Variants in ROBO2 observed in about 807,000 individuals in gnomAD.
The protein encoded by ROBO2 is roundabout homolog 2.
A neutral mutation model predicts 160.8 loss-of-function variants in ROBO2; 53 were observed. That is an observed-to-expected ratio of 0.33 (90% CI 0.26 to 0.41). The LOEUF (loss-of-function observed/expected upper bound fraction) is 0.41. ROBO2 is among the 10% of genes least tolerant of loss of function. The pLI, the probability that ROBO2 is intolerant of heterozygous loss-of-function variation, is 1.00. For synonymous variants in ROBO2, 664 were observed against 611.7 expected (o/e 1.09, Z -1.26); for missense variants, 1,577 against 1,722.4 (o/e 0.92, Z 1.49).
At chr3:77,003,449 A>G (rs969682870) in intron 2 of ROBO2, among the ~76,000 whole-genome samples, 3 of 152,324 alleles carry the variant, frequency 2.0e-5, no homozygotes, top group East Asian at 3.9e-4. Context: ...CACAAGAACA[A>G]TTATAATCAC....
rs1553852857 is a variant in ROBO2, at chr3:76,650,481, C to CTCT, written c.110-447532_110-447531insCTT. 9.8e-3 allele frequency among the ~76,000 whole-genome samples: 1,439 copies of CTCT among 146,788 alleles called. 12 individuals are homozygous for CTCT. Among genetic ancestry groups the CTCT allele is most frequent in the Non-Finnish European group, 0.015 (977 of 66,848 alleles). On this transcript the variant is annotated intron_variant, in intron 2 of 26. Coordinates refer to the ROBO2 transcript ENST00000487694. ...ACCAGGGAGTTTGTTCCTTCTTTCT[C>CTCT]TTTTTTTTTTTATTTTTTTCTTTAT... is the stretch of plus-strand genomic sequence containing the variant.
intron 2 of ROBO2, among the ~76,000 whole-genome samples, chr3:76,705,076 C>T (rs1183477252): frequency 3.3e-5 from 5 of 152,014 alleles, no homozygotes; most frequent in African/African-American, 7.2e-5. Context: ...AAAGCAGTCA[C>T]GGACAATAGG....
intron 2 of ROBO2, among the ~76,000 whole-genome samples, chr3:76,598,590 T>G (rs564329614): frequency 1.3e-5 from 2 of 152,264 alleles, no homozygotes; most frequent in East Asian, 3.9e-4. Context: ...CTCTCTGTAT[T>G]AGTTCTTAAA....
chr3:76,141,453 A>G (rs2071666907), intron 2 of ROBO2, among the ~76,000 whole-genome samples: 1 of 151,260 alleles, frequency 6.6e-6, no homozygotes, highest in Non-Finnish European at 1.5e-5. Flanking sequence ...TTTAATGAAA[A>G]GTTTAAAAAG....
At chr3:77,304,875 G>A (rs952280144) in intron 2 of ROBO2, among the ~76,000 whole-genome samples, 20 of 152,128 alleles carry the variant, frequency 1.3e-4, no homozygotes, top group Non-Finnish European at 8.8e-5. Context: ...GTTAGGGAGA[G>A]CGTACATACG....
At chr3:77,050,993 G>A (rs2065177020) in intron 1 of ROBO2, among the ~76,000 whole-genome samples, 2 of 149,094 alleles carry the variant, frequency 1.3e-5, no homozygotes, top group Admixed American at 6.8e-5. Context: ...ATTCCAGCCA[G>A]GGTGACAGAG....
chr3:76,567,638 TATATATATATATATAC>T (rs1184854629), intron 2 of ROBO2, among the ~76,000 whole-genome samples: 14 of 90,048 alleles, frequency 1.6e-4, no homozygotes, highest in East Asian at 1.2e-3. Flanking sequence ...TATATATATA[TATATATATATATATAC>T]ACATACACAT....
chr3:76,997,766 A>G (rs1439786086), intron 2 of ROBO2, among the ~76,000 whole-genome samples: 1 of 152,110 alleles, frequency 6.6e-6, no homozygotes, highest in Non-Finnish European at 1.5e-5. Context: ...ACAAAACAAA[A>G]CGATTTTATT....
At chr3:76,252,272 A>G (rs1210558075) in intron 2 of ROBO2, among the ~76,000 whole-genome samples, 1 of 152,098 alleles carries the variant, frequency 6.6e-6, no homozygotes, top group Non-Finnish European at 1.5e-5. Context: ...TAAGCCTAAC[A>G]CTTGAACCAA....
Position 75,978,600 on chromosome 3 carries a change from AGTATT to A in ROBO2, c.109+40999_109+41003del, listed in dbSNP as rs140709414. On this transcript the variant is annotated intron_variant, in intron 2 of 26. Transcript: ENST00000487694. ...CTGTAGTTATGTATATTTAATATGA[AGTATT>A]TGGTTTTCAGCTTATTAATTGATAT... Among the ~76,000 whole-genome samples, 1,180 of 151,666 alleles carry A rather than the reference AGTATT, an allele frequency of 7.8e-3. 16 individuals carry two copies. The highest frequency in any genetic ancestry group is 0.027 in the African/African-American group (1,128 of 41,466).
At chr3:76,886,998 T>A (rs149471146) in intron 2 of ROBO2, among the ~76,000 whole-genome samples, 3 of 152,282 alleles carry the variant, frequency 2.0e-5, no homozygotes, top group African/African-American at 7.2e-5. Context: ...TGGGCACAAC[T>A]TGGATAGTTT....
chr3:76,430,592 C>G (rs974761117), intron 2 of ROBO2, among the ~76,000 whole-genome samples: 4 of 151,916 alleles, frequency 2.6e-5, no homozygotes, highest in African/African-American at 9.7e-5. Flanking sequence ...GGGGAATGTC[C>G]TTATTCTGAT....
chr3:76,975,438 GA>G (rs1307608695), intron 2 of ROBO2, among the ~76,000 whole-genome samples: 1 of 152,190 alleles, frequency 6.6e-6, no homozygotes, highest in African/African-American at 2.4e-5. Context: ...CCAGGAGGTG[GA>G]GGCTGCAGTG....
intron 2 of ROBO2, among the ~76,000 whole-genome samples, chr3:76,823,197 A>G (rs1227383233): frequency 1.3e-5 from 2 of 152,220 alleles, no homozygotes; most frequent in East Asian, 3.9e-4. Flanking sequence ...AGCTAGTAAT[A>G]TTTGATGGAT....
At chr3:76,685,861 G>A (rs147577017) in intron 2 of ROBO2, among the ~76,000 whole-genome samples, 3 of 152,148 alleles carry the variant, frequency 2.0e-5, no homozygotes, top group East Asian at 3.9e-4. Flanking sequence ...ATTTAGATAC[G>A]CATGACTTTA....
chr3:76,184,575 AGATAGATAGATAGATAGAT>A (rs1047188414), intron 2 of ROBO2, among the ~76,000 whole-genome samples: 9 of 148,108 alleles, frequency 6.1e-5, no homozygotes, highest in East Asian at 5.0e-4. Flanking sequence ...ATAGATAGAT[AGATAGATAGATAGATAGAT>A]AAGAGGGGAT....
At chr3:77,543,231 T>C (rs1404214925) in intron 6 of ROBO2, among the ~76,000 whole-genome samples, 1 of 152,180 alleles carries the variant, frequency 6.6e-6, no homozygotes. Context: ...ATTTTTTCTG[T>C]TTTCATTGAA....
chr3:76,958,465 T>C (rs1322390900), intron 2 of ROBO2, among the ~76,000 whole-genome samples: 1 of 152,378 alleles, frequency 6.6e-6, no homozygotes, highest in Admixed American at 6.5e-5. Flanking sequence ...ATTGCAATGA[T>C]GTAACTTTGC....
At chr3:76,265,594 T>A (rs1357109409) in intron 2 of ROBO2, among the ~76,000 whole-genome samples, 1 of 152,138 alleles carries the variant, frequency 6.6e-6, no homozygotes. Flanking sequence ...ATTGTAAACC[T>A]TTCATATTTT....
Sources: allele counts gnomAD v4.1 joint callset (sites outside exome capture counted in the v4.1 genomes callset), GRCh38; gene constraint gnomAD v4.1.1; transcripts MANE v1.5; gene names NCBI Gene and HGNC (gene_info 2026-07-23, HGNC 2026-07-21).